FCHSD2: variants seen among roughly 807,000 people sequenced by gnomAD.
The protein encoded by FCHSD2 is FCH and double SH3 domains 2.
Under a neutral mutation model 108.1 loss-of-function variants are expected in FCHSD2, and 38 were observed. The observed-to-expected ratio is 0.35, with a 90% CI of 0.27 to 0.46. The LOEUF is 0.46. Among genes scored for constraint, FCHSD2 ranks in the 20% least tolerant of loss-of-function variants. The pLI, the probability that FCHSD2 is intolerant of heterozygous loss-of-function variation, is 1.00. For missense variants in FCHSD2, 751 were observed against 897.8 expected, an observed-to-expected ratio of 0.84 and a Z score of 2.09; for synonymous variants, 279 against 314.7, an observed-to-expected ratio of 0.89 and a Z score of 1.20.
chr11:72,862,991 T>C (rs1854634603), intron 13 of FCHSD2, among the ~76,000 whole-genome samples: 1 of 152,184 alleles, frequency 6.6e-6, no homozygotes, highest in African/African-American at 2.4e-5. Context: ...AGCACAATCA[T>C]AGTTCGCTGT....
At chr11:72,947,755 T>TGATTATAGAATA (rs60386383) in intron 8 of FCHSD2, among the ~76,000 whole-genome samples, 148,852 of 152,240 alleles carry the variant, frequency 0.98, 72,838 homozygotes, top group Middle Eastern at 1. Context: ...CATAATTTTC[T>TGATTATAGAATA]CATAAAGAAA....
chr11:73,135,290 T>TATC (rs1339852942), intron 2 of FCHSD2, among the ~76,000 whole-genome samples: 1 of 152,212 alleles, frequency 6.6e-6, no homozygotes, highest in Non-Finnish European at 1.5e-5. Flanking sequence ...ACAAATAGCT[T>TATC]AGAGTCTTCA....
chr11:72,948,483 T>C (rs1856561383), intron 8 of FCHSD2, among the ~76,000 whole-genome samples: 2 of 152,186 alleles, frequency 1.3e-5, no homozygotes, highest in South Asian at 4.1e-4. Context: ...AATAAATTCT[T>C]ACAACATAAT....
At chr11:72,933,342 C>G (rs550085316) in intron 8 of FCHSD2, among the ~76,000 whole-genome samples, 6 of 152,190 alleles carry the variant, frequency 3.9e-5, no homozygotes, top group African/African-American at 1.2e-4. Context: ...AAGAATTAAA[C>G]CAACTCACAG....
At chr11:73,004,940 C>A (rs1047845500) in intron 4 of FCHSD2, among the ~76,000 whole-genome samples, 1 of 152,140 alleles carries the variant, frequency 6.6e-6, no homozygotes, top group Non-Finnish European at 1.5e-5. Context: ...CCACATGTTC[C>A]CACCACATTT....
chr11:73,083,671 T>C (rs1051735315), intron 3 of FCHSD2, 24 bp downstream of exon 3: 3 of 1,491,662 alleles, frequency 2.0e-6, no homozygotes, highest in Non-Finnish European at 2.7e-6. Context: ...ATACCTAGAA[T>C]GGGACCTCCA....
Position 72,942,535 on chromosome 11 carries a change from T to G in FCHSD2, c.706-20585A>C, listed in dbSNP as rs138725034. 1.3e-3 allele frequency among the ~76,000 whole-genome samples: 191 copies of G among 152,322 alleles called. 2 individuals are homozygous for G. Among genetic ancestry groups the G allele is most frequent in the African/African-American group, 4.5e-3 (185 of 41,556 alleles). On this transcript the variant is annotated intron_variant, in intron 8 of 19. Transcript: ENST00000409418. ...TATGTAATACATGCCTAGGAAAGAT[T>G]AGAAGGATATGCCAAGATGACAGTA... is the stretch of plus-strand genomic sequence containing the variant.
chr11:72,906,184 A>G (rs556988228), intron 9 of FCHSD2, among the ~76,000 whole-genome samples: 1 of 152,340 alleles, frequency 6.6e-6, no homozygotes, highest in East Asian at 1.9e-4. Context: ...ATGACCAGTG[A>G]TGATGAGCAT....
intron 8 of FCHSD2, chr11:72,940,507 T>C (rs1856393614): frequency 1.2e-6 from 1 of 814,092 alleles, no homozygotes; most frequent in Non-Finnish European, 2.1e-6. Context: ...GATGGGTGCA[T>C]ACCCGCACAT....
Position 72,991,987 on chromosome 11 carries a change from G to A in FCHSD2, c.388-2890C>T, listed in dbSNP as rs183499592. ...AGTCAAATTGTCCCTGTTTGTAGATGACATGATTGTTTATTTAGAAAACCC... is the reference window on the plus strand; with the variant it reads ...AGTCAAATTGTCCCTGTTTGTAGATAACATGATTGTTTATTTAGAAAACCC... On this transcript the variant is annotated intron_variant, in intron 5 of 19. Coordinates refer to ENST00000409418, the MANE Select transcript of FCHSD2 (RefSeq NM_014824.3). 2.6e-5 allele frequency among the ~76,000 whole-genome samples: 4 copies of A among 152,298 alleles called. No homozygotes were observed. In the East Asian group the frequency reaches 5.8e-4, roughly 22 times the overall value.
chr11:72,958,502 GCAAGGCTCCAT>G (rs1399476375), intron 8 of FCHSD2, among the ~76,000 whole-genome samples: 2 of 152,154 alleles, frequency 1.3e-5, no homozygotes, highest in African/African-American at 4.8e-5. Context: ...GGGCAATGGA[GCAAGGCTCCAT>G]CTCAAAAAAA....
intron 8 of FCHSD2, among the ~76,000 whole-genome samples, chr11:72,926,231 G>T (rs1856073403): frequency 6.6e-6 from 1 of 152,114 alleles, no homozygotes; most frequent in Non-Finnish European, 1.5e-5. Context: ...ACTAGAGTGG[G>T]GACTGGTGGT....
chr11:73,098,491 T>C (rs571333497), intron 2 of FCHSD2, among the ~76,000 whole-genome samples: 74 of 152,334 alleles, frequency 4.9e-4, no homozygotes, highest in African/African-American at 1.8e-3. Flanking sequence ...AAATGTTTTA[T>C]GTGTACTTGA....
At chr11:73,028,722 A>AG (rs1354852763) in intron 3 of FCHSD2, among the ~76,000 whole-genome samples, 2 of 152,190 alleles carry the variant, frequency 1.3e-5, no homozygotes, top group African/African-American at 4.8e-5. Context: ...CCCATGTGTC[A>AG]GGGGAAAAAC....
At chr11:73,118,655 T>C (rs1267450452) in intron 2 of FCHSD2, among the ~76,000 whole-genome samples, 1 of 152,224 alleles carries the variant, frequency 6.6e-6, no homozygotes, top group Non-Finnish European at 1.5e-5. Context: ...AGGATGTTTA[T>C]CTCTTCATTA....
chr11:73,047,051 A>G (rs1465299147), intron 3 of FCHSD2, among the ~76,000 whole-genome samples: 2 of 152,192 alleles, frequency 1.3e-5, no homozygotes, highest in Non-Finnish European at 2.9e-5. Context: ...AAAAAATACT[A>G]TTAAATATAA....
intron 5 of FCHSD2, among the ~76,000 whole-genome samples, chr11:72,993,969 G>A (rs963028254): frequency 2.0e-5 from 3 of 152,072 alleles, no homozygotes; most frequent in South Asian, 2.1e-4. Context: ...CTGTGAGTAC[G>A]GTGTATCCGG....
chr11:72,846,331 C>A lies in FCHSD2; in HGVS notation c.1444-2799G>T, dbSNP rs541571862. Among the ~76,000 whole-genome samples, 7 of 152,186 alleles carry A rather than the reference C, an allele frequency of 4.6e-5. No homozygotes were observed. The East Asian group carries it at 1.4e-3, about 29-fold the overall frequency. The stretch of plus-strand genomic sequence containing the variant: ...AAGTAGCTGGGATTACAGGTGCACA[C>A]CACCATGCCTGGCTAATTTTTTGTA... On this transcript the variant is annotated intron_variant, in intron 14 of 19. Coordinates refer to ENST00000409418, the MANE Select transcript of FCHSD2 (RefSeq NM_014824.3).
chr11:72,918,166 G>A (rs1855913570), intron 9 of FCHSD2, among the ~76,000 whole-genome samples: 1 of 151,916 alleles, frequency 6.6e-6, no homozygotes, highest in Admixed American at 6.6e-5. Flanking sequence ...TATTGTAGTT[G>A]GAATTATTTT....
Sources: allele counts gnomAD v4.1 joint callset (sites outside exome capture counted in the v4.1 genomes callset), GRCh38; gene constraint gnomAD v4.1.1; transcripts MANE v1.5; gene names NCBI Gene and HGNC (gene_info 2026-07-23, HGNC 2026-07-21).